The following LRRFIP2 variants were observed in gnomAD, a reference collection of about 807,000 sequenced individuals.
LRRFIP2 encodes LRR binding FLII interacting protein 2, also known as leucine-rich repeat flightless-interacting protein 2.
In LRRFIP2, 109 loss-of-function variants were observed where a neutral mutation model predicts 125.9. That is an observed-to-expected ratio of 0.87 (90% CI 0.74 to 1.01). The LOEUF (loss-of-function observed/expected upper bound fraction) is 1.01, where lower values mean the gene tolerates loss of function less well. Ranked by LOEUF, LRRFIP2 falls within the 50% of genes least tolerant of loss-of-function variation. LRRFIP2 has a pLI of 0.00. For missense variants in LRRFIP2, 850 were observed against 862.3 expected (o/e 0.99, Z 0.18); for synonymous variants, 291 against 293.1 (o/e 0.99, Z 0.07).
In LRRFIP2 at chr3:37,063,735, C is replaced by T; in HGVS notation, c.1749+7G>A. 3.1e-6 allele frequency: 5 copies of T among 1,604,268 alleles called. No individual in the cohort carries two copies. Among genetic ancestry groups the T allele is most frequent in the Non-Finnish European group, 4.3e-6 (5 of 1,171,316 alleles). ...ATTATATTACACTCCAATAAGAATG[C>T]CTTTACCTGTGACAGTAGTTCTTCC... On this transcript the variant is annotated splice_region_variant and intron_variant, in intron 24 of 27. Coordinates refer to ENST00000336686, the MANE Select transcript of LRRFIP2 (RefSeq NM_006309.4).
At chr3:37,150,914 T>C (rs1039434070) in intron 1 of LRRFIP2, among the ~76,000 whole-genome samples, 1 of 152,204 alleles carries the variant, frequency 6.6e-6, no homozygotes, top group African/African-American at 2.4e-5. Flanking sequence ...CCAATAAAGA[T>C]TCAGGACATT....
chr3:37,134,356 C>A (rs921825864), intron 2 of LRRFIP2, among the ~76,000 whole-genome samples: 2 of 152,160 alleles, frequency 1.3e-5, no homozygotes, highest in African/African-American at 4.8e-5. Flanking sequence ...CTCGGCCTGG[C>A]GGTGGCCTGC....
At chr3:37,072,956 A>G in intron 20 of LRRFIP2, 74 bp from the exon 21 acceptor site, 2 of 953,558 alleles carry the variant, frequency 2.1e-6, no homozygotes, top group Non-Finnish European at 3.2e-6. Context: ...GGGAGGAAAC[A>G]AAAATAAAGC....
intron 4 of LRRFIP2, among the ~76,000 whole-genome samples, chr3:37,126,646 G>A (rs779224972): frequency 1.3e-5 from 2 of 151,764 alleles, no homozygotes; most frequent in Non-Finnish European, 2.9e-5. Flanking sequence ...ATCACCTGAG[G>A]TCAGTAGTTC....
chr3:37,136,033 C>T (rs548059678), intron 2 of LRRFIP2, among the ~76,000 whole-genome samples: 1 of 152,226 alleles, frequency 6.6e-6, no homozygotes, highest in African/African-American at 2.4e-5. Context: ...GTAGAAATAA[C>T]CCAAATATCC....
At position 37,105,505 on chromosome 3, in the gene LRRFIP2, C is replaced by T. The variant is rs755249725; in HGVS notation, c.733G>A (p.Ala245Thr). The change falls in exon 14 of 28, where the codon GCA becomes ACA. Residue 245 changes from alanine to threonine, a missense_variant. Ala to Thr is a moderately conservative substitution (Grantham distance 58, BLOSUM62 0). Transcript: ENST00000336686. ...SSPGFTNDDT[A>T]SIVSSDRASR... Reference sequence around the variant, plus strand: ...GCACGATCAGAAGACACAATGCTTGCAGTGTCATCGTTGGTAAACTATAGA... The same window carrying T: ...GCACGATCAGAAGACACAATGCTTGTAGTGTCATCGTTGGTAAACTATAGA... 4 of 1,613,474 alleles carry T rather than the reference C, an allele frequency of 2.5e-6. No individual in the cohort carries two copies. The African/African-American group carries it at 5.3e-5, about 22-fold the overall frequency.
At chr3:37,144,394 G>C (rs2095803667) in intron 2 of LRRFIP2, among the ~76,000 whole-genome samples, 1 of 152,104 alleles carries the variant, frequency 6.6e-6, no homozygotes. Flanking sequence ...TTAATGCTGG[G>C]TGTTGGACTC....
At position 37,060,034 on chromosome 3, in the gene LRRFIP2, C is replaced by T. The variant is rs1273027723; in HGVS notation, c.1750-1124G>A. Among the ~76,000 whole-genome samples, 1 of 152,170 alleles carries T rather than the reference C, an allele frequency of 6.6e-6. No individual in the cohort carries two copies. Among genetic ancestry groups the T allele is most frequent in the African/African-American group, 2.4e-5 (1 of 41,444 alleles). On this transcript the variant is annotated intron_variant, in intron 24 of 27. Transcript: ENST00000336686. This position sits in a 1 kb window ranked among gnomAD's most constrained non-coding sequence, Gnocchi z 4.1. Reference sequence around the variant, plus strand: ...GGAACCAGGACAAATCTCAGTATCTCCATCATTCCTATTTATGTGCATCTC... The same window carrying T: ...GGAACCAGGACAAATCTCAGTATCTTCATCATTCCTATTTATGTGCATCTC...
At position 37,171,641 on chromosome 3, in the gene LRRFIP2, T is replaced by C. The variant is rs573946714; in HGVS notation, c.-56+2898A>G. Among the ~76,000 whole-genome samples the C allele has an allele frequency of 8.0e-4, 122 of 152,328 alleles. 1 individual carries two copies. The highest frequency in any genetic ancestry group is 1.2e-3 in the Non-Finnish European group (79 of 68,030). ...GTAATCCATCAAATAGCACTCTAGT[T>C]TGCAAAAGGATTTTTGGATCTCAAA... On this transcript the variant is annotated intron_variant, in intron 1 of 27. Transcript: ENST00000336686.
chr3:37,134,696 G>C, intron 2 of LRRFIP2: 1 of 741,824 alleles, frequency 1.3e-6, no homozygotes, highest in Middle Eastern at 4.1e-4. Flanking sequence ...TTAGTGATTT[G>C]GCCCATGACC....
At chr3:37,109,430 C>A in intron 11 of LRRFIP2, 97 bp downstream of exon 11, 1 of 1,318,098 alleles carries the variant, frequency 7.6e-7, no homozygotes, top group South Asian at 1.2e-5. Context: ...AATCATGTGT[C>A]CTTAACTATT....
intron 1 of LRRFIP2, among the ~76,000 whole-genome samples, chr3:37,165,904 A>G (rs1362312387): frequency 6.6e-6 from 1 of 152,200 alleles, no homozygotes; most frequent in Non-Finnish European, 1.5e-5. Context: ...AAAGACCTAA[A>G]CAAATGAGCT....
intron 16 of LRRFIP2, 110 bp downstream of exon 16, chr3:37,096,506 G>T (rs1182736375): frequency 2.2e-5 from 15 of 690,556 alleles, no homozygotes; most frequent in Non-Finnish European, 3.7e-5. Context: ...TAGATGAAGG[G>T]AGGAAGAGCA....
At chr3:37,158,457 A>C (rs1415625799) in intron 1 of LRRFIP2, among the ~76,000 whole-genome samples, 2 of 152,036 alleles carry the variant, frequency 1.3e-5, no homozygotes, top group Admixed American at 1.3e-4. Flanking sequence ...AAATACAAAA[A>C]ATAGCCAGGC....
At chr3:37,165,801 G>GAAAGAAAAAAAGAAAA (rs796717902) in intron 1 of LRRFIP2, among the ~76,000 whole-genome samples, 1 of 69,366 alleles carries the variant, frequency 1.4e-5, no homozygotes, top group African/African-American at 5.0e-5. Context: ...GAAAGAGAAA[G>GAAAGAAAAAAAGAAAA]AAAGAAAGAA....
At chr3:37,152,554 C>CTG (rs908536623) in intron 1 of LRRFIP2, among the ~76,000 whole-genome samples, 1 of 152,194 alleles carries the variant, frequency 6.6e-6, no homozygotes, top group African/African-American at 2.4e-5. Context: ...AGTGATTCTC[C>CTG]TGTCTCAGCC....
chr3:37,149,942 A>G (rs2150047187), intron 1 of LRRFIP2, among the ~76,000 whole-genome samples: 1 of 152,218 alleles, frequency 6.6e-6, no homozygotes, highest in Non-Finnish European at 1.5e-5. Context: ...TGGAGGTTGC[A>G]GTCAGCCAAG....
chr3:37,147,697 A>G (rs2095892301), intron 2 of LRRFIP2, among the ~76,000 whole-genome samples: 3 of 152,260 alleles, frequency 2.0e-5, no homozygotes, highest in Non-Finnish European at 4.4e-5. Flanking sequence ...AGGAAGTGAT[A>G]TGGTAATAAT....
In LRRFIP2 at chr3:37,127,690, C is replaced by T. The variant is rs767450113; in HGVS notation, c.178-10G>A. The T allele has an allele frequency of 5.6e-6, 9 of 1,611,514 alleles. No individual in the cohort carries two copies. Among genetic ancestry groups the T allele is most frequent in the Admixed American group, 5.0e-5 (3 of 59,918 alleles). On this transcript the variant is annotated splice_polypyrimidine_tract_variant and intron_variant, in intron 3 of 27. Coordinates refer to ENST00000336686, the MANE Select transcript of LRRFIP2 (RefSeq NM_006309.4). ...AGGAATGAAGAGAGTACTAGAAATGCAAAAATTTCATAAACCAAATAGTTT... is the reference window on the plus strand; with the variant it reads ...AGGAATGAAGAGAGTACTAGAAATGTAAAAATTTCATAAACCAAATAGTTT...
Sources: gnomAD v4.1 joint callset for allele counts (sites outside exome capture counted in the v4.1 genomes callset) on GRCh38, gnomAD v4.1.1 for gene constraint, Gnocchi (gnomAD v3.1) non-coding constraint, MANE v1.5 for transcripts, NCBI Gene and HGNC (gene_info 2026-07-23, HGNC 2026-07-21) for gene names.